TENM3: variants seen among roughly 807,000 people sequenced by gnomAD.
The protein encoded by TENM3 is teneurin-3.
A neutral mutation model predicts 255.1 loss-of-function variants in TENM3; 63 were observed. The ratio of observed to expected loss-of-function variants is 0.25; its 90% CI spans 0.20 to 0.30. The LOEUF (loss-of-function observed/expected upper bound fraction) is 0.30. TENM3 is among the 10% of genes least tolerant of loss of function. TENM3 has a pLI of 1.00. For synonymous variants in TENM3, 1,306 were observed against 1,322.3 expected (o/e 0.99, Z 0.27); for missense variants, 2,929 against 3,461.1 (o/e 0.85, Z 3.86).
At chr4:181,749,273 C>T in the TENM3 span, among the ~76,000 whole-genome samples, 6 of 151,820 alleles carry the variant, frequency 4.0e-5, no homozygotes, top group East Asian at 1.2e-3. Flanking sequence ...CATAAATCTT[C>T]CTGAGGAAAA....
chr4:182,184,887 A>T (rs1436365901), intron 1 of TENM3, among the ~76,000 whole-genome samples: 2 of 152,094 alleles, frequency 1.3e-5, no homozygotes, highest in Non-Finnish European at 1.5e-5. Flanking sequence ...GTTCAAGATC[A>T]GCTTGGCCAA....
the TENM3 span, among the ~76,000 whole-genome samples, chr4:181,843,544 C>A: frequency 6.6e-6 from 1 of 152,140 alleles, no homozygotes; most frequent in African/African-American, 2.4e-5. Flanking sequence ...GAATGAAGAA[C>A]TTTTTATGAA....
chr4:181,605,520 A>T, the TENM3 span, among the ~76,000 whole-genome samples: 335 of 22,768 alleles, frequency 0.015, 38 homozygotes, highest in Admixed American at 0.07. Context: ...GAAAGAAAGA[A>T]AGAAAGAAAG....
chr4:181,691,872 T>G, the TENM3 span, among the ~76,000 whole-genome samples: 46,006 of 152,064 alleles, frequency 0.3, 7,585 homozygotes, highest in Admixed American at 0.47. Context: ...AGAGCAGAAA[T>G]TAAATCAGTT....
At chr4:182,188,743 T>C (rs772564098) in intron 1 of TENM3, among the ~76,000 whole-genome samples, 4 of 152,176 alleles carry the variant, frequency 2.6e-5, no homozygotes, top group African/African-American at 9.7e-5. Context: ...ATGGTGCAAT[T>C]TGAGTCCTCT....
the TENM3 span, among the ~76,000 whole-genome samples, chr4:181,628,071 G>A: frequency 0.036 from 5,450 of 152,134 alleles, 134 homozygotes; most frequent in South Asian, 0.11. Flanking sequence ...TTTGATTTGC[G>A]TTTCTCTGAT....
At chr4:182,479,432 C>T (rs371170782) in intron 3 of TENM3, among the ~76,000 whole-genome samples, 2 of 151,646 alleles carry the variant, frequency 1.3e-5, no homozygotes, top group African/African-American at 2.4e-5. Flanking sequence ...GCCCATCATC[C>T]CCAGAACACT....
At chr4:182,740,708 G>A (rs1761534927) in intron 18 of TENM3, among the ~76,000 whole-genome samples, 1 of 152,064 alleles carries the variant, frequency 6.6e-6, no homozygotes, top group South Asian at 2.1e-4. Flanking sequence ...TACAACACAC[G>A]ATATTATATT....
chr4:182,669,306 G>A (rs1754998707), intron 6 of TENM3, among the ~76,000 whole-genome samples: 1 of 151,912 alleles, frequency 6.6e-6, no homozygotes, highest in Non-Finnish European at 1.5e-5. Context: ...GTCTCACTCT[G>A]TTGCCCAGGC....
chr4:182,491,225 T>C lies in TENM3; in HGVS notation c.512-109699T>C, dbSNP rs144709156. On this transcript the variant is annotated intron_variant, in intron 3 of 27. Transcript: ENST00000511685. ...CCACAAAACCATTAACAGACAAATA[T>C]TTTATGTAAACCTTAGGAGATGTTT... is the stretch of plus-strand genomic sequence containing the variant. Among the ~76,000 whole-genome samples, 885 of 152,298 alleles carry C rather than the reference T, an allele frequency of 5.8e-3. 8 individuals are homozygous for C. Among genetic ancestry groups the C allele is most frequent in the Non-Finnish European group, 9.6e-3 (654 of 68,026 alleles).
At chr4:182,246,451 A>G (rs1042252510) in intron 1 of TENM3, among the ~76,000 whole-genome samples, 1 of 148,502 alleles carries the variant, frequency 6.7e-6, no homozygotes, top group East Asian at 2.0e-4. Flanking sequence ...CTTTTCTAGG[A>G]TATAGATGGT....
rs781694933 is a variant in TENM3, at chr4:182,653,799, G to A, written c.1017G>A (p.Gln339=). The A allele has an allele frequency of 6.2e-7, 1 of 1,612,376 alleles. No homozygotes were observed. Among genetic ancestry groups the A allele is most frequent in the Admixed American group, 1.7e-5 (1 of 59,726 alleles). The change falls in exon 6 of 28, where the codon CAG becomes CAA. Residue 339 remains glutamine, a synonymous_variant. Transcript: ENST00000511685. ...TGCATCTCTTTGGCCTCAACTGGCA[G>A]CTACAGCAGACTGAAAATGACACAT... The part of the protein sequence containing the change: ...IAMHLFGLNW[Q]LQQTENDTFE...
intron 1 of TENM3, among the ~76,000 whole-genome samples, chr4:182,166,830 C>A (rs10034516): frequency 0.75 from 113,896 of 151,828 alleles, 43,072 homozygotes; most frequent in Non-Finnish European, 0.8. Context: ...AAAAAATCCA[C>A]ATGTTTACTC....
At chr4:181,490,738 T>A in the TENM3 span, among the ~76,000 whole-genome samples, 1 of 152,324 alleles carries the variant, frequency 6.6e-6, no homozygotes, top group Admixed American at 6.5e-5. Flanking sequence ...TTATCAGTAA[T>A]AACTTACATT....
chr4:181,448,139 CTT>C, the TENM3 span, among the ~76,000 whole-genome samples: 1 of 136,132 alleles, frequency 7.3e-6, no homozygotes, highest in African/African-American at 2.8e-5. Flanking sequence ...TGACAGGAGT[CTT>C]TGAAATCCAG....
the TENM3 span, among the ~76,000 whole-genome samples, chr4:182,070,074 G>A: frequency 6.6e-6 from 1 of 152,122 alleles, no homozygotes; most frequent in Non-Finnish European, 1.5e-5. Flanking sequence ...GAGATACAGA[G>A]GCATGACAAG....
intron 3 of TENM3, among the ~76,000 whole-genome samples, chr4:182,369,563 AGTTT>A (rs757331224): frequency 9.9e-5 from 15 of 152,142 alleles, no homozygotes; most frequent in Non-Finnish European, 1.8e-4. Flanking sequence ...CCTACTTTTT[AGTTT>A]AAGATGTAAT....
At chr4:182,075,959 G>A in the TENM3 span, among the ~76,000 whole-genome samples, 1 of 152,258 alleles carries the variant, frequency 6.6e-6, no homozygotes, top group South Asian at 2.1e-4. Flanking sequence ...TGTTGCCCAG[G>A]CTGGAGCACA....
At chr4:181,889,661 C>T in the TENM3 span, among the ~76,000 whole-genome samples, 1 of 152,168 alleles carries the variant, frequency 6.6e-6, no homozygotes, top group Non-Finnish European at 1.5e-5. Context: ...TTCAAGACTG[C>T]TCTTGCTTTG....
Sources: gnomAD v4.1 joint callset for allele counts (sites outside exome capture counted in the v4.1 genomes callset) on GRCh38, gnomAD v4.1.1 for gene constraint, MANE v1.5 for transcripts, NCBI Gene and HGNC (gene_info 2026-07-23, HGNC 2026-07-21) for gene names.